MLLT10: variants seen among roughly 807,000 people sequenced by gnomAD.
MLLT10 encodes the protein MLLT10 histone lysine methyltransferase DOT1L cofactor, also known as protein AF-10.
Under a neutral mutation model 129.1 loss-of-function variants are expected in MLLT10, and 30 were observed. The observed-to-expected ratio is 0.23, with a 90% CI of 0.17 to 0.32. The LOEUF is 0.32. Ranked by LOEUF, MLLT10 falls within the 10% of genes least tolerant of loss-of-function variation. MLLT10 has a pLI of 1.00. For missense variants in MLLT10, 1,119 were observed against 1,268.3 expected, an observed-to-expected ratio of 0.88 and a Z score of 1.79; for synonymous variants, 490 against 446.4, an observed-to-expected ratio of 1.10 and a Z score of -1.23.
intron 13 of MLLT10, among the ~76,000 whole-genome samples, chr10:21,697,752 A>G (rs1232286910): frequency 2.0e-5 from 3 of 152,192 alleles, no homozygotes; most frequent in African/African-American, 2.4e-5. Context: ...TAATGAATGG[A>G]TTAATTCTAT....
chr10:21,577,021 C>T (rs1213409773), intron 3 of MLLT10, among the ~76,000 whole-genome samples: 2 of 152,210 alleles, frequency 1.3e-5, no homozygotes, highest in Non-Finnish European at 2.9e-5. Context: ...GGCCCATTAA[C>T]AGTCACTCTC....
intron 5 of MLLT10, among the ~76,000 whole-genome samples, chr10:21,601,505 A>G (rs1262276190): frequency 2.0e-5 from 3 of 152,146 alleles, no homozygotes; most frequent in Non-Finnish European, 4.4e-5. Context: ...AACATTGCCT[A>G]TCTCAGTGCT....
At chr10:21,707,666 G>C (rs2055666086) in intron 13 of MLLT10, among the ~76,000 whole-genome samples, 1 of 152,174 alleles carries the variant, frequency 6.6e-6, no homozygotes, top group Non-Finnish European at 1.5e-5. Context: ...AAGAGTCAGA[G>C]GGATGATCTT....
chr10:21,614,992 A>G, intron 7 of MLLT10, 68 bp downstream of exon 7: 1 of 1,321,702 alleles, frequency 7.6e-7, no homozygotes, highest in African/African-American at 1.5e-5. Flanking sequence ...ACACTGTTTT[A>G]TTAAAAAAAG....
In MLLT10 at chr10:21,622,153, CTTT is replaced by C. The variant is rs71393915; in HGVS notation, c.699+4966_699+4968del. On this transcript the variant is annotated intron_variant, in intron 8 of 22. Coordinates refer to ENST00000307729, the MANE Select transcript of MLLT10 (RefSeq NM_001195626.3). ...TTTTTTCTTGTTTCTTTTGTTTTTC[CTTT>C]TTTTTTTTTTTTTTTTTTTGAGATG... Among the ~76,000 whole-genome samples, 459 of 99,788 alleles carry C rather than the reference CTTT, an allele frequency of 4.6e-3. 3 individuals are homozygous for C. Among genetic ancestry groups the C allele is most frequent in the African/African-American group, 0.018 (433 of 24,192 alleles). The allele number at this position is 99,788 out of a possible 152,430, so 65.5% of individuals were successfully genotyped here.
chr10:21,621,663 G>A (rs920338637), intron 8 of MLLT10, among the ~76,000 whole-genome samples: 10 of 150,332 alleles, frequency 6.7e-5, no homozygotes, highest in Admixed American at 2.7e-4. Context: ...GAGATGGCAG[G>A]GGCAGGGAGG....
intron 9 of MLLT10, among the ~76,000 whole-genome samples, chr10:21,658,636 A>G (rs959595466): frequency 1.3e-5 from 2 of 152,186 alleles, no homozygotes; most frequent in East Asian, 1.9e-4. Flanking sequence ...GTTGGGCCAC[A>G]TGGTAGGTGT....
chr10:21,670,853 A>C, intron 10 of MLLT10, 149 bp downstream of exon 10: 1 of 869,616 alleles, frequency 1.1e-6, no homozygotes, highest in Non-Finnish European at 1.6e-6. Context: ...ATTACTTTAA[A>C]GATAGTGTTT....
chr10:21,584,704 G>A (rs1173678334), intron 3 of MLLT10, among the ~76,000 whole-genome samples: 2 of 151,400 alleles, frequency 1.3e-5, no homozygotes, highest in Non-Finnish European at 2.9e-5. Context: ...ATTTATATAT[G>A]TATGTAAGTG....
Position 21,673,688 on chromosome 10 carries a change from A to C in MLLT10, c.1390A>C (p.Lys464Gln). 5.0e-6 allele frequency: 8 copies of C among 1,614,158 alleles called. No homozygotes were observed. The highest frequency in any genetic ancestry group is 6.8e-6 in the Non-Finnish European group (8 of 1,180,020). The change falls in exon 11 of 23, where the codon AAG (lysine) becomes CAG (glutamine). Residue 464 changes from lysine to glutamine, a missense_variant. Coordinates refer to ENST00000307729, the MANE Select transcript of MLLT10 (RefSeq NM_001195626.3). ...QTSGIEEETV[K>Q]EKKRKGNKQS... ...TTCTGGCATAGAAGAAGAAACTGTA[A>C]AGGAAAAGAAAAGGAAAGGAAATAA...
chr10:21,535,355 C>T (rs2033756396), intron 2 of MLLT10, among the ~76,000 whole-genome samples: 2 of 152,234 alleles, frequency 1.3e-5, no homozygotes, highest in South Asian at 2.1e-4. Flanking sequence ...GGGCCCGTTG[C>T]ACCCCGAGCC....
chr10:21,716,790 G>A (rs1463596029), intron 14 of MLLT10, among the ~76,000 whole-genome samples: 1 of 152,030 alleles, frequency 6.6e-6, no homozygotes, highest in Non-Finnish European at 1.5e-5. Context: ...AGTGATAGAT[G>A]ATGGAAATAT....
intron 16 of MLLT10, 120 bp downstream of exon 16, chr10:21,728,048 A>C: frequency 1.5e-6 from 1 of 684,742 alleles, no homozygotes; most frequent in Non-Finnish European, 2.5e-6. Context: ...TACAGATAAG[A>C]AGCATGTCTA....
chr10:21,595,408 T>C lies in MLLT10; in HGVS notation c.373T>C (p.Leu125=), dbSNP rs755010079. ...ANVSTMEPIV[L]QSVPHDRYNK... is the part of the protein sequence containing the mutation. ...TGTTTCCACAATGGAACCAATTGTT[T>C]TACAGTCTGTTCCGCATGATCGTTA... The change falls in exon 5 of 23, where the codon TTA becomes CTA. Residue 125 remains leucine, a synonymous_variant. Coordinates refer to ENST00000307729, the MANE Select transcript of MLLT10 (RefSeq NM_001195626.3). 2 of 1,613,378 alleles carry C rather than the reference T, an allele frequency of 1.2e-6. No individual in the cohort carries two copies. The highest frequency in any genetic ancestry group is 1.7e-6 in the Non-Finnish European group (2 of 1,179,484).
chr10:21,583,703 A>G (rs537669951), intron 3 of MLLT10, among the ~76,000 whole-genome samples: 2 of 152,268 alleles, frequency 1.3e-5, no homozygotes, highest in South Asian at 4.1e-4. Flanking sequence ...CACATGAGCT[A>G]ACAACAGCAA....
chr10:21,717,810 TCTC>T (rs1554864581), intron 14 of MLLT10, among the ~76,000 whole-genome samples: 3 of 87,964 alleles, frequency 3.4e-5, no homozygotes, highest in Non-Finnish European at 6.3e-5. Context: ...TCCTTCTTCT[TCTC>T]CTTCTTCTCC....
intron 8 of MLLT10, among the ~76,000 whole-genome samples, chr10:21,637,330 C>T (rs899862792): frequency 2.6e-5 from 4 of 152,090 alleles, no homozygotes; most frequent in Admixed American, 6.6e-5. Flanking sequence ...AAAAGCAGAA[C>T]GTTGAAGTGA....
At chr10:21,549,122 C>CT (rs5783779) in intron 3 of MLLT10, among the ~76,000 whole-genome samples, 52,392 of 130,348 alleles carry the variant, frequency 0.4, 12,192 homozygotes, top group Non-Finnish European at 0.52. Flanking sequence ...GAGCTTATTC[C>CT]TTTTTTTTTT....
chr10:21,634,631 G>A (rs977650354), intron 8 of MLLT10, among the ~76,000 whole-genome samples: 1 of 152,142 alleles, frequency 6.6e-6, no homozygotes, highest in African/African-American at 2.4e-5. Context: ...TAACTTTGGT[G>A]GTAATAATGT....
Sources: gnomAD v4.1 joint callset for allele counts (sites outside exome capture counted in the v4.1 genomes callset) on GRCh38, gnomAD v4.1.1 for gene constraint, MANE v1.5 for transcripts, NCBI Gene and HGNC (gene_info 2026-07-23, HGNC 2026-07-21) for gene names.